The following INTS12 variants were observed in gnomAD, a reference collection of about 807,000 sequenced individuals.
INTS12 encodes integrator complex subunit 12, also known as PHD finger protein 22.
A neutral mutation model predicts 41.6 loss-of-function variants in INTS12; 13 were observed. That is an observed-to-expected ratio of 0.31 (90% CI 0.20 to 0.50). The LOEUF (loss-of-function observed/expected upper bound fraction) is 0.50. INTS12 is among the 20% of genes least tolerant of loss of function. INTS12 has a pLI of 0.98. For missense variants in INTS12, 432 were observed against 541.6 expected, an observed-to-expected ratio of 0.80 and a Z score of 2.01; for synonymous variants, 199 against 191.4, an observed-to-expected ratio of 1.04 and a Z score of -0.33.
At chr4:105,697,354 A>G (rs1218647763) in intron 3 of INTS12, among the ~76,000 whole-genome samples, 5 of 152,216 alleles carry the variant, frequency 3.3e-5, no homozygotes, top group African/African-American at 7.2e-5. Flanking sequence ...GATAATATGT[A>G]AAAGTACAAA....
chr4:105,706,789 G>T (rs1323947187), intron 1 of INTS12, among the ~76,000 whole-genome samples: 1 of 152,070 alleles, frequency 6.6e-6, no homozygotes, highest in Non-Finnish European at 1.5e-5. Context: ...TGTGGATTCT[G>T]ACGGCAATAT....
Position 105,703,629 on chromosome 4 carries a change from C to A in INTS12, c.-10+19G>T, listed in dbSNP as rs752716372. The A allele has an allele frequency of 2.0e-5, 3 of 152,246 alleles. No homozygotes were observed. Among genetic ancestry groups the A allele is most frequent in the Non-Finnish European group, 4.4e-5 (3 of 68,090 alleles). 9.4% of individuals were successfully genotyped at this position (152,246 alleles called of 1,614,324 possible). Reference sequence around the variant, plus strand: ...GCCTGCACCCAAACTCTAAGTGCAACTGGGAGGAATATACATACATTCTAT... The same window carrying A: ...GCCTGCACCCAAACTCTAAGTGCAAATGGGAGGAATATACATACATTCTAT... On this transcript the variant is annotated intron_variant, in intron 2 of 7. Transcript: ENST00000340139.
At chr4:105,701,332 T>C (rs1225821683) in intron 2 of INTS12, among the ~76,000 whole-genome samples, 1 of 151,762 alleles carries the variant, frequency 6.6e-6, no homozygotes, top group Non-Finnish European at 1.5e-5. Flanking sequence ...AAATATCATC[T>C]GAATCACCCA....
chr4:105,705,055 A>G (rs936675643), intron 1 of INTS12, among the ~76,000 whole-genome samples: 9 of 152,192 alleles, frequency 5.9e-5, no homozygotes, highest in Non-Finnish European at 1.2e-4. Flanking sequence ...GATTCTTAAC[A>G]AGGTCTCCAA....
intron 3 of INTS12, among the ~76,000 whole-genome samples, chr4:105,697,706 T>C (rs1422766786): frequency 6.6e-6 from 1 of 152,164 alleles, no homozygotes; most frequent in Non-Finnish European, 1.5e-5. Flanking sequence ...ATCACTGGTG[T>C]AGACTTAGTA....
chr4:105,689,144 A>G (rs1560774602), intron 6 of INTS12, among the ~76,000 whole-genome samples: 1 of 152,208 alleles, frequency 6.6e-6, no homozygotes, highest in African/African-American at 2.4e-5. Flanking sequence ...AAGCTGGGGA[A>G]AAACTCCACT....
In INTS12 at chr4:105,683,325, A is replaced by G; in HGVS notation, c.805-8T>C. Reference sequence around the variant, plus strand: ...TGAAATAACTGTGGATGTCTAAAAAAATAAAGTAAATAATTACATTAGAGC... The same window carrying G: ...TGAAATAACTGTGGATGTCTAAAAAGATAAAGTAAATAATTACATTAGAGC... On this transcript the variant is annotated splice_region_variant and splice_polypyrimidine_tract_variant and intron_variant, in intron 7 of 7. Coordinates refer to ENST00000340139, the MANE Select transcript of INTS12 (RefSeq NM_020395.4). 1 of 1,573,072 alleles carries G rather than the reference A, an allele frequency of 6.4e-7. No individual in the cohort carries two copies. The highest frequency in any genetic ancestry group is 8.6e-7 in the Non-Finnish European group (1 of 1,157,068).
At chr4:105,691,921 A>T (rs902798806) in intron 6 of INTS12, 55 bp downstream of exon 6, 2 of 1,333,588 alleles carry the variant, frequency 1.5e-6, no homozygotes, top group African/African-American at 3.0e-5. Flanking sequence ...TTGAAAGCAC[A>T]TACCAACAAA....
chr4:105,694,952 C>T (rs1731807689), intron 4 of INTS12, among the ~76,000 whole-genome samples: 1 of 150,644 alleles, frequency 6.6e-6, no homozygotes, highest in Non-Finnish European at 1.5e-5. Flanking sequence ...TGAGACAGCG[C>T]CTCACTCTGT....
chr4:105,706,696 C>T (rs571731552), intron 1 of INTS12, among the ~76,000 whole-genome samples: 1 of 152,154 alleles, frequency 6.6e-6, no homozygotes, highest in African/African-American at 2.4e-5. Context: ...AATGACACAA[C>T]TTTCTTTTAG....
intron 4 of INTS12, among the ~76,000 whole-genome samples, chr4:105,693,970 C>G (rs1230505424): frequency 2.0e-5 from 3 of 152,154 alleles, no homozygotes; most frequent in Admixed American, 6.5e-5. Context: ...AGTACATCTA[C>G]TTTTGATAGA....
chr4:105,700,076 T>C lies in INTS12; in HGVS notation c.-9-62A>G, dbSNP rs557754433. 9.2e-6 allele frequency: 11 copies of C among 1,193,548 alleles called. No homozygotes were observed. The South Asian group carries it at 2.6e-4, about 29-fold the overall frequency. The allele number at this position is 1,193,548 out of a possible 1,614,324, so 73.9% of individuals were successfully genotyped here. On this transcript the variant is annotated intron_variant, in intron 2 of 7. Coordinates refer to ENST00000340139, the MANE Select transcript of INTS12 (RefSeq NM_020395.4). ...TGCACAATTATCTATGTTAAAGTTTTACTTTTCTGTTTTTTAATTTGTAAT... is the reference window on the plus strand; with the variant it reads ...TGCACAATTATCTATGTTAAAGTTTCACTTTTCTGTTTTTTAATTTGTAAT...
intron 3 of INTS12, among the ~76,000 whole-genome samples, chr4:105,696,454 G>T (rs1176994765): frequency 6.6e-6 from 1 of 152,024 alleles, no homozygotes; most frequent in Non-Finnish European, 1.5e-5. Context: ...TTATATAAAT[G>T]GAATCATATT....
At chr4:105,699,682 C>G (rs1158796639) in intron 3 of INTS12, among the ~76,000 whole-genome samples, 168 bp downstream of exon 3, 1 of 152,088 alleles carries the variant, frequency 6.6e-6, no homozygotes, top group African/African-American at 2.4e-5. Flanking sequence ...TGTGGTGTAA[C>G]AGTTCTCTGA....
intron 4 of INTS12, among the ~76,000 whole-genome samples, chr4:105,694,301 A>G (rs1731785025): frequency 6.6e-6 from 1 of 152,196 alleles, no homozygotes; most frequent in African/African-American, 2.4e-5. Flanking sequence ...ACCAAAGGAT[A>G]TACACACACA....
At chr4:105,703,383 C>T (rs1239030516) in intron 2 of INTS12, among the ~76,000 whole-genome samples, 2 of 152,200 alleles carry the variant, frequency 1.3e-5, no homozygotes. Context: ...TGGGAATTAG[C>T]TGTGTCAAAT....
chr4:105,695,642 G>C lies in INTS12; in HGVS notation c.183C>G (p.Ser61Arg). The C allele has an allele frequency of 1.9e-6, 3 of 1,612,490 alleles. No individual in the cohort carries two copies. Among genetic ancestry groups the C allele is most frequent in the Non-Finnish European group, 2.5e-6 (3 of 1,179,650 alleles). ...CTTGCTTAATGGAAATGTTTTTTGTGCTTGAAATTTTGGGTGGCTCCACAT... is the reference window on the plus strand; with the variant it reads ...CTTGCTTAATGGAAATGTTTTTTGTCCTTGAAATTTTGGGTGGCTCCACAT... ...QKDVEPPKIS[S>R]TKNISIKQEP... The change falls in exon 4 of 8, where the codon AGC becomes AGG. Residue 61 changes from serine to arginine, a missense_variant. By Grantham distance (110) the Ser-to-Arg change is moderately radical. This residue lies in a region of INTS12 where 168 missense variants were observed against 198.9 expected (regional missense o/e 0.84). Transcript: ENST00000340139.
At chr4:105,695,798 T>C in intron 3 of INTS12, 130 bp from the exon 4 acceptor site, 1 of 690,046 alleles carries the variant, frequency 1.4e-6, no homozygotes, top group East Asian at 2.8e-5. Context: ...ATTCCTTTCT[T>C]AAATAGTTAA....
chr4:105,688,740 T>C (rs956332676), intron 6 of INTS12, among the ~76,000 whole-genome samples: 1 of 152,134 alleles, frequency 6.6e-6, no homozygotes. Context: ...CCCACCTAAC[T>C]TGTATGTTTT....
Sources: gnomAD v4.1 joint callset for allele counts (sites outside exome capture counted in the v4.1 genomes callset) on GRCh38, gnomAD v4.1.1 for gene constraint, gnomAD v4.1.1 regional missense constraint, MANE v1.5 for transcripts, NCBI Gene and HGNC (gene_info 2026-07-23, HGNC 2026-07-21) for gene names.